Variants in PCDHA2 observed in about 807,000 individuals in gnomAD.
PCDHA2 encodes the protein protocadherin alpha 2.
PCDHA2 carries 58 observed loss-of-function variants against 66.0 expected under a neutral mutation model. The observed-to-expected ratio is 0.88, with a 90% confidence interval of 0.71 to 1.09. The LOEUF is 1.09. Ranked by LOEUF, PCDHA2 falls within the 50% of genes least tolerant of loss-of-function variation. PCDHA2 has a pLI of 0.00. For missense variants in PCDHA2, 1,267 were observed against 1,242.3 expected, an observed-to-expected ratio of 1.02 and a Z score of -0.30; for synonymous variants, 634 against 554.0, an observed-to-expected ratio of 1.14 and a Z score of -2.03.
chr5:140,928,108 G>A (rs782166106), intron 1 of PCDHA2: 5 of 1,614,072 alleles, frequency 3.1e-6, no homozygotes, highest in Admixed American at 3.3e-5. Context: ...CCTGGACCGG[G>A]AGCAGATCAG....
chr5:140,922,358 A>T (rs1273986507), intron 1 of PCDHA2, among the ~76,000 whole-genome samples: 2 of 152,212 alleles, frequency 1.3e-5, no homozygotes, highest in African/African-American at 4.8e-5. Flanking sequence ...TAGAGTAGTG[A>T]TTCTCACTGA....
intron 1 of PCDHA2, chr5:140,882,629 G>A: frequency 6.2e-7 from 1 of 1,614,254 alleles, no homozygotes; most frequent in Admixed American, 1.7e-5. Context: ...CCATGTGGAG[G>A]TGAAGGTGAG....
chr5:140,821,079 T>C (rs1277092432), intron 1 of PCDHA2, among the ~76,000 whole-genome samples: 1 of 152,052 alleles, frequency 6.6e-6, no homozygotes, highest in Non-Finnish European at 1.5e-5. Context: ...TAGTTGTTTT[T>C]GAAAATAACA....
chr5:140,842,491 G>GC, intron 1 of PCDHA2: 1 of 1,613,896 alleles, frequency 6.2e-7, no homozygotes, highest in African/African-American at 1.3e-5. Flanking sequence ...GCTCCCTGAT[G>GC]CCCCATGTCC....
rs139314570 is a variant in PCDHA2, at chr5:140,952,780, A to G, written c.2389-26169A>G. 2.0e-3 allele frequency among the ~76,000 whole-genome samples: 310 copies of G among 152,316 alleles called. 3 individuals are homozygous for G. The highest frequency in any genetic ancestry group is 7.3e-3 in the African/African-American group (302 of 41,572). On this transcript the variant is annotated intron_variant, in intron 1 of 3. Transcript: ENST00000526136. ...CTGAGACTGGATAATTTAGAAAGAA[A>G]AGAGGTTTAACTGGCTCGCAGTTCT... is the stretch of plus-strand genomic sequence containing the variant.
At chr5:140,807,471 T>G (rs1763942238) in intron 1 of PCDHA2, 3 of 1,612,596 alleles carry the variant, frequency 1.9e-6, no homozygotes, top group Non-Finnish European at 2.5e-6. Context: ...CGGGAGGAGC[T>G]GTGCCGGCGG....
chr5:140,870,654 C>T lies in PCDHA2; in HGVS notation c.2388+73302C>T, dbSNP rs781878209. 10 of 1,612,444 alleles carry T rather than the reference C, an allele frequency of 6.2e-6. No homozygotes were observed. The African/African-American group carries it at 8.0e-5, about 13-fold the overall frequency. ...TGCACGCGGAGAGCGGCAAGGTGTACGCGCTGCAGCCGTTGGACCACGAGG... is the reference window on the plus strand; with the variant it reads ...TGCACGCGGAGAGCGGCAAGGTGTATGCGCTGCAGCCGTTGGACCACGAGG... On this transcript the variant is annotated intron_variant, in intron 1 of 3. Transcript: ENST00000526136.
chr5:140,882,814 A>AGT, intron 1 of PCDHA2: 3 of 1,614,248 alleles, frequency 1.9e-6, no homozygotes, highest in Non-Finnish European at 2.5e-6. Context: ...CTTTGGACGC[A>AGT]CAAAACAGTC....
intron 1 of PCDHA2, chr5:140,968,723 GGTA>G (rs1199893104): frequency 9.3e-6 from 15 of 1,613,990 alleles, no homozygotes; most frequent in Non-Finnish European, 1.3e-5. Context: ...AGATGAGAGT[GGTA>G]GCACTTTCAA....
chr5:140,889,400 A>T (rs187751360), intron 1 of PCDHA2, among the ~76,000 whole-genome samples: 1 of 152,050 alleles, frequency 6.6e-6, no homozygotes, highest in Admixed American at 6.5e-5. Context: ...AGTTTAATTT[A>T]CTCGAGTCAG....
intron 1 of PCDHA2, chr5:140,804,679 A>G (rs1763436952): frequency 6.2e-6 from 1 of 160,822 alleles, no homozygotes; most frequent in Admixed American, 6.4e-5. Context: ...GAAAACTCCA[A>G]ATAACCAGAA....
intron 1 of PCDHA2, among the ~76,000 whole-genome samples, chr5:140,872,045 C>G (rs1286579116): frequency 6.6e-6 from 1 of 152,208 alleles, no homozygotes; most frequent in East Asian, 1.9e-4. Flanking sequence ...AAGAATTCTC[C>G]CACTTCAGCC....
chr5:140,920,588 G>A lies in PCDHA2; in HGVS notation c.2389-58361G>A, dbSNP rs561082502. 2.0e-5 allele frequency among the ~76,000 whole-genome samples: 3 copies of A among 152,284 alleles called. No individual in the cohort carries two copies. The South Asian group carries it at 6.2e-4, about 32-fold the overall frequency. On this transcript the variant is annotated intron_variant, in intron 1 of 3. Transcript: ENST00000526136. ...AGGCCAGGAGCAGTGGCTCACGCCT[G>A]TAATCCCAGCACTTTGGGAGGCCGA...
At chr5:140,818,933 T>G (rs1766460810) in intron 1 of PCDHA2, among the ~76,000 whole-genome samples, 1 of 152,224 alleles carries the variant, frequency 6.6e-6, no homozygotes. Flanking sequence ...TGAGATTATT[T>G]GACATGAACA....
rs1396431858 is a variant in PCDHA2, at chr5:141,010,083, T to C, written c.*146T>C. The C allele has an allele frequency of 1.9e-6, 3 of 1,612,132 alleles. No homozygotes were observed. The African/African-American group carries it at 4.0e-5, about 22-fold the overall frequency. On this transcript the variant is annotated 3_prime_UTR_variant, in exon 4 of 4. Coordinates refer to ENST00000526136, the MANE Select transcript of PCDHA2 (RefSeq NM_018905.3). Reference sequence around the variant, plus strand: ...CTGCAGAAAGTTCCCTGTGTCTGTCTAGAACGCATTTAACAGGTTTTGTCG... The same window carrying C: ...CTGCAGAAAGTTCCCTGTGTCTGTCCAGAACGCATTTAACAGGTTTTGTCG...
intron 1 of PCDHA2, among the ~76,000 whole-genome samples, chr5:140,899,871 T>G (rs76112838): frequency 0.014 from 2,117 of 152,008 alleles, 43 homozygotes; most frequent in African/African-American, 0.049. Context: ...GCAGTGGTAT[T>G]AACAGAACTC....
intron 1 of PCDHA2, among the ~76,000 whole-genome samples, chr5:140,826,241 T>C (rs958846502): frequency 1.3e-5 from 2 of 152,242 alleles, no homozygotes; most frequent in Non-Finnish European, 2.9e-5. Context: ...ACTATTTATA[T>C]ATCTCTTTAT....
rs2150123741 is a variant in PCDHA2 at position 140,823,226 on chromosome 5, A to G, written c.2388+25874A>G. On this transcript the variant is annotated intron_variant, in intron 1 of 3. Coordinates refer to ENST00000526136, the MANE Select transcript of PCDHA2 (RefSeq NM_018905.3). ...GTGTCTGCACGGGACGCGGACGCGC[A>G]GGAGAACGCCCTGGTGTCCTACTCG... is the stretch of plus-strand genomic sequence containing the variant. 3.1e-6 allele frequency: 5 copies of G among 1,613,692 alleles called. No homozygotes were observed. The South Asian group carries it at 5.5e-5, about 18-fold the overall frequency.
intron 1 of PCDHA2, among the ~76,000 whole-genome samples, chr5:140,887,841 T>C (rs1024646010): frequency 2.6e-5 from 4 of 152,224 alleles, no homozygotes; most frequent in African/African-American, 7.2e-5. Context: ...ATATCTTTTA[T>C]TGACATATTT....
Sources: gnomAD v4.1 joint callset for allele counts (sites outside exome capture counted in the v4.1 genomes callset) on GRCh38, gnomAD v4.1.1 for gene constraint, MANE v1.5 for transcripts, NCBI Gene and HGNC (gene_info 2026-07-23, HGNC 2026-07-21) for gene names.